The following CFAP36 variants were observed in gnomAD, a reference collection of about 807,000 sequenced individuals.
CFAP36 encodes cilia and flagella associated protein 36.
Under a neutral mutation model 50.5 loss-of-function variants are expected in CFAP36, and 37 were observed. That is an observed-to-expected ratio of 0.73 (90% CI 0.56 to 0.96). CFAP36 has a LOEUF of 0.96. Among genes scored for constraint, CFAP36 ranks in the 50% least tolerant of loss-of-function variants. CFAP36 has a pLI of 0.00. For missense variants in CFAP36, 407 were observed against 396.2 expected (o/e 1.03, Z -0.23); for synonymous variants, 138 against 128.2 (o/e 1.08, Z -0.52).
chr2:55,529,083 A>G (rs913537308), intron 4 of CFAP36, 91 bp downstream of exon 4: 29 of 842,182 alleles, frequency 3.4e-5, no homozygotes, highest in Admixed American at 2.7e-4. Flanking sequence ...TAGCTGTCTC[A>G]TGTACATTTA....
At chr2:55,522,435 G>A (rs1158497046) in intron 2 of CFAP36, among the ~76,000 whole-genome samples, 2 of 151,962 alleles carry the variant, frequency 1.3e-5, no homozygotes, top group African/African-American at 2.4e-5. Flanking sequence ...TTTTGTTGAC[G>A]CATCCAGGGA....
intron 7 of CFAP36, chr2:55,538,749 T>C (rs1684558357): frequency 3.3e-6 from 5 of 1,533,110 alleles, no homozygotes; most frequent in Non-Finnish European, 3.5e-6. Flanking sequence ...ATCCCTTCTT[T>C]TTTTTTTTTT....
intron 4 of CFAP36, among the ~76,000 whole-genome samples, chr2:55,530,564 T>C (rs138013219): frequency 4.9e-4 from 74 of 152,360 alleles, no homozygotes; most frequent in African/African-American, 1.7e-3. Context: ...CCCCTGACCC[T>C]GTGCTTAAGT....
intron 5 of CFAP36, among the ~76,000 whole-genome samples, 177 bp from the exon 6 acceptor site, chr2:55,535,535 A>G (rs772048148): frequency 6.6e-6 from 1 of 152,198 alleles, no homozygotes; most frequent in African/African-American, 2.4e-5. Context: ...CTGTATGCCT[A>G]TGTATGTCTT....
intron 4 of CFAP36, chr2:55,531,101 G>GA (rs964264804): frequency 3.9e-5 from 6 of 152,134 alleles, no homozygotes; most frequent in Non-Finnish European, 7.3e-5. Flanking sequence ...TGGGTAGGGG[G>GA]AAAACACCAC....
chr2:55,520,710 G>A (rs1244577992), intron 1 of CFAP36, among the ~76,000 whole-genome samples: 1 of 152,212 alleles, frequency 6.6e-6, no homozygotes, highest in African/African-American at 2.4e-5. Context: ...GTGCCCAAGC[G>A]TTATTGTGGT....
At chr2:55,538,971 T>C in intron 7 of CFAP36, 1 of 1,373,654 alleles carries the variant, frequency 7.3e-7, no homozygotes, top group East Asian at 2.8e-5. Context: ...TAATTTAAGC[T>C]GTTTTAGGTT....
chr2:55,521,364 T>G (rs114648483), intron 1 of CFAP36, among the ~76,000 whole-genome samples: 96 of 152,238 alleles, frequency 6.3e-4, no homozygotes, highest in African/African-American at 1.8e-3. Context: ...TAACAAAAAT[T>G]GCCTGGTCAC....
intron 7 of CFAP36, 48 bp downstream of exon 7, chr2:55,537,633 AC>A: frequency 2.0e-6 from 2 of 1,007,234 alleles, no homozygotes; most frequent in Non-Finnish European, 3.0e-6. Flanking sequence ...GAATACATAA[AC>A]ACCATATAGA....
At chr2:55,529,736 T>A (rs184528390) in intron 4 of CFAP36, among the ~76,000 whole-genome samples, 1 of 150,182 alleles carries the variant, frequency 6.7e-6, no homozygotes, top group Admixed American at 6.7e-5. Flanking sequence ...ATGCTCTGCC[T>A]TGCGGGTTTA....
At chr2:55,534,365 T>A (rs1684426274) in intron 5 of CFAP36, among the ~76,000 whole-genome samples, 2 of 152,184 alleles carry the variant, frequency 1.3e-5, no homozygotes, top group Non-Finnish European at 2.9e-5. Flanking sequence ...GCATCCAGAT[T>A]CCACAGATTG....
chr2:55,525,020 G>C (rs185714274), intron 3 of CFAP36, among the ~76,000 whole-genome samples: 93 of 151,748 alleles, frequency 6.1e-4, no homozygotes, highest in African/African-American at 1.8e-3. Flanking sequence ...CCAAAGCACA[G>C]ATATATTAAG....
At chr2:55,523,634 A>G in intron 2 of CFAP36, 87 bp from the exon 3 acceptor site, 1 of 772,068 alleles carries the variant, frequency 1.3e-6, no homozygotes. Context: ...AAATTCGATG[A>G]TACTTTTCTA....
At chr2:55,522,746 A>G (rs1684104058) in intron 2 of CFAP36, among the ~76,000 whole-genome samples, 2 of 152,064 alleles carry the variant, frequency 1.3e-5, no homozygotes, top group East Asian at 2.0e-4. Flanking sequence ...TGGGCCTCCC[A>G]AAGTGTTGGG....
chr2:55,544,780 A>G (rs1378986354), intron 9 of CFAP36, 127 bp from the exon 10 acceptor site: 1 of 634,324 alleles, frequency 1.6e-6, no homozygotes, highest in Admixed American at 3.1e-5. Flanking sequence ...AACCTAGTCT[A>G]TGTCTGTCTC....
chr2:55,534,706 G>A (rs1286560612), intron 5 of CFAP36, among the ~76,000 whole-genome samples: 1 of 152,168 alleles, frequency 6.6e-6, no homozygotes, highest in African/African-American at 2.4e-5. Flanking sequence ...TGCAGACTGT[G>A]GCCTTGGCCT....
At chr2:55,544,811 G>A (rs1436654965) in intron 9 of CFAP36, 96 bp from the exon 10 acceptor site, 1 of 707,188 alleles carries the variant, frequency 1.4e-6, no homozygotes, top group Non-Finnish European at 2.4e-6. Flanking sequence ...CCACAAGAAG[G>A]TGCCCCCGAT....
At chr2:55,540,781 C>T (rs770414046) in intron 7 of CFAP36, among the ~76,000 whole-genome samples, 9 of 151,928 alleles carry the variant, frequency 5.9e-5, no homozygotes, top group Non-Finnish European at 8.8e-5. Context: ...GAGGCCAAGG[C>T]GGGAAAACTG....
chr2:55,530,431 C>G (rs1684326357), intron 4 of CFAP36, among the ~76,000 whole-genome samples: 1 of 152,182 alleles, frequency 6.6e-6, no homozygotes, highest in African/African-American at 2.4e-5. Flanking sequence ...GCTGCTAGTC[C>G]TGGGACCACA....
Sources: gnomAD v4.1 joint callset for allele counts (sites outside exome capture counted in the v4.1 genomes callset) on GRCh38, gnomAD v4.1.1 for gene constraint, MANE v1.5 for transcripts, NCBI Gene and HGNC (gene_info 2026-07-23, HGNC 2026-07-21) for gene names.